The following CTSB variants were observed in gnomAD, a reference collection of about 807,000 sequenced individuals.
CTSB encodes the protein APP secretase.
Under a neutral mutation model 44.3 loss-of-function variants are expected in CTSB, and 57 were observed. The observed-to-expected ratio is 1.29, with a 90% confidence interval of 1.04 to 1.60. CTSB has a LOEUF of 1.60. Ranked by LOEUF, CTSB falls within the 40% of genes most tolerant of loss-of-function variation. CTSB has a pLI of 0.00. For synonymous variants in CTSB, 320 were observed against 168.0 expected, an observed-to-expected ratio of 1.91 and a Z score of -7.00; for missense variants, 768 against 443.0, an observed-to-expected ratio of 1.73 and a Z score of -6.59.
chr8:11,845,712 T>C lies in CTSB; in HGVS notation c.871A>G (p.Thr291Ala), dbSNP rs1813178241. 1 of 1,614,124 alleles carries C rather than the reference T, an allele frequency of 6.2e-7. No homozygotes were observed. Residue 291 changes from threonine to alanine, a missense_variant, in exon 9 of 10, where the codon ACA becomes GCA. By Grantham distance (58) the Thr-to-Ala change is moderately conservative. Transcript: ENST00000353047. ...GAGTTGGCAACCAGCCAGTAGGGTG[T>C]GCCATTCTCCACTCCCCAGCCCAGG... is the stretch of plus-strand genomic sequence containing the variant. ...RILGWGVENG[T>A]PYWLVANSWN...
At chr8:11,854,892 C>A (rs1404391782) in intron 1 of CTSB, 1 of 152,320 alleles carries the variant, frequency 6.6e-6, no homozygotes, top group Non-Finnish European at 1.5e-5. Context: ...GAAGCACATC[C>A]TCCGTGGAGG....
At chr8:11,863,037 GCA>G (rs1239217094) in intron 1 of CTSB, among the ~76,000 whole-genome samples, 3 of 152,200 alleles carry the variant, frequency 2.0e-5, no homozygotes, top group Non-Finnish European at 4.4e-5. Flanking sequence ...TCTGGGCTGA[GCA>G]CAGTGGCTCA....
At chr8:11,861,596 T>C (rs927576769) in intron 1 of CTSB, 2 of 152,244 alleles carry the variant, frequency 1.3e-5, no homozygotes, top group African/African-American at 4.8e-5. Context: ...TTATTTTTTG[T>C]TGTCGTTGTT....
chr8:11,850,149 G>C (rs116858126), intron 4 of CTSB: 40 of 152,232 alleles, frequency 2.6e-4, no homozygotes, highest in South Asian at 6.2e-4. Context: ...TGCTGGGCAC[G>C]GTGGCTCACG....
Position 11,859,767 on chromosome 8 carries a change from CAAAAAAA to C in CTSB, c.-25-6295_-25-6289del, listed in dbSNP as rs36047077. The stretch of plus-strand genomic sequence containing the variant: ...TGGGCAACAGAGCGAGACTCTGTCT[CAAAAAAA>C]AAAAAAAAAAAAAAAAAAGGCCGGA... On this transcript the variant is annotated intron_variant, in intron 1 of 9. Transcript: ENST00000353047. Among the ~76,000 whole-genome samples, 117 of 38,966 alleles carry C rather than the reference CAAAAAAA, an allele frequency of 3.0e-3. 1 individual carries two copies. The highest frequency in any genetic ancestry group is 0.014 in the African/African-American group (100 of 7,232). 25.6% of individuals were successfully genotyped at this position (38,966 alleles called of 152,430 possible).
intron 1 of CTSB, chr8:11,865,724 C>A (rs1343686616): frequency 6.6e-6 from 1 of 151,308 alleles, no homozygotes; most frequent in Admixed American, 6.6e-5. Flanking sequence ...AAGAAAATTA[C>A]CCCTCCACCG....
At position 11,845,175 on chromosome 8, in the gene CTSB, C is replaced by A; in HGVS notation, c.970G>T (p.Glu324Ter). The change falls in exon 10 of 10, where the codon GAA becomes TAA. Residue 324 changes from glutamate (E) to a stop codon, truncating the protein, a stop_gained. Transcript: ENST00000353047. LOFTEE classifies it high-confidence loss of function. ...GTGCGTGGAATTCCAGCCACCACTT[C>A]TGATTCGATTCCACAGTGATCCTGT... ...RGQDHCGIES[E>*]VVAGIPRTDQ... The A allele has an allele frequency of 6.2e-7, 1 of 1,614,118 alleles. No homozygotes were observed. The highest frequency in any genetic ancestry group is 1.3e-5 in the African/African-American group (1 of 75,060).
intron 1 of CTSB, among the ~76,000 whole-genome samples, chr8:11,861,968 G>C (rs1256790699): frequency 6.6e-6 from 1 of 152,156 alleles, no homozygotes; most frequent in African/African-American, 2.4e-5. Flanking sequence ...AGTACTTTGG[G>C]AGGCTGAGGT....
chr8:11,853,525 C>A, intron 1 of CTSB, 46 bp from the exon 2 acceptor site: 1 of 1,550,732 alleles, frequency 6.4e-7, no homozygotes, highest in Non-Finnish European at 8.7e-7. Context: ...TTATGTGGGT[C>A]GAGGGCTCAC....
At position 11,843,377 on chromosome 8, in the gene CTSB, G is replaced by A. The variant is rs1395980230; in HGVS notation, c.*1748C>T. The A allele has an allele frequency of 6.6e-6, 1 of 152,218 alleles. No individual in the cohort carries two copies. The highest frequency in any genetic ancestry group is 1.5e-5 in the Non-Finnish European group (1 of 68,042). The allele number at this position is 152,218 out of a possible 1,614,324, so 9.4% of individuals were successfully genotyped here. A position where few individuals can be genotyped will look rare whatever the true frequency, so the allele number is the denominator to read the frequency against. On this transcript the variant is annotated 3_prime_UTR_variant, in exon 10 of 10. Coordinates refer to ENST00000353047, the MANE Select transcript of CTSB (RefSeq NM_001908.5). Reference sequence around the variant, plus strand: ...GTCACATCAGAAGCCAAACTTGAATGCTTTTGGAAAGAGCTAGCCTCATAC... The same window carrying A: ...GTCACATCAGAAGCCAAACTTGAATACTTTTGGAAAGAGCTAGCCTCATAC...
At chr8:11,863,716 G>A (rs1020497840) in intron 1 of CTSB, among the ~76,000 whole-genome samples, 6 of 152,114 alleles carry the variant, frequency 3.9e-5, no homozygotes, top group African/African-American at 1.4e-4. Flanking sequence ...TTCTGGTCAT[G>A]AAATTAAAAC....
rs769178025 is a variant in CTSB, at chr8:11,860,604, A to G, written c.-25-7125T>C. 4.6e-5 allele frequency among the ~76,000 whole-genome samples: 7 copies of G among 152,186 alleles called. 1 individual carries two copies. The highest frequency in any genetic ancestry group is 6.6e-5 in the Admixed American group (1 of 15,262). On this transcript the variant is annotated intron_variant, in intron 1 of 9. Coordinates refer to ENST00000353047, the MANE Select transcript of CTSB (RefSeq NM_001908.5). ...GCACCATTGCACTCCACCTTGGGCA[A>G]CAAGAGGGAAACTCCGTCTCAAAAA...
chr8:11,845,743 G>A lies in CTSB; in HGVS notation c.840C>T (p.Ile280=), dbSNP rs370508969. Residue 280 remains isoleucine (I), a synonymous_variant, in exon 9 of 10, where the codon ATC becomes ATT. Transcript: ENST00000353047. The part of the protein sequence containing the change: ...VTGEMMGGHA[I]RILGWGVENG... ...TCTCCACTCCCCAGCCCAGGATGCG[G>A]ATGGCATGGCCACCCATCATCTCTC... 1.3e-5 allele frequency: 21 copies of A among 1,614,136 alleles called. No individual in the cohort carries two copies. The highest frequency in any genetic ancestry group is 4.4e-5 in the South Asian group (4 of 91,066).
intron 2 of CTSB, among the ~76,000 whole-genome samples, chr8:11,852,924 C>T (rs1315768149): frequency 6.6e-6 from 1 of 152,208 alleles, no homozygotes; most frequent in African/African-American, 2.4e-5. Context: ...CAGCCCTCAA[C>T]ATGGCTCACT....
rs369448047 is a variant in CTSB at position 11,852,607 on chromosome 8, C to G, written c.212+3G>C. On this transcript the variant is annotated splice_donor_region_variant and intron_variant, in intron 3 of 9. Transcript: ENST00000353047. ...ACAGCGGTGCAGAGGAGCAGGCACT[C>G]ACCTCTGGGGTGGCTTGGGCCCACC... The G allele has an allele frequency of 1.2e-6, 2 of 1,612,366 alleles. No individual in the cohort carries two copies. The highest frequency in any genetic ancestry group is 3.3e-5 in the Admixed American group (2 of 59,956).
chr8:11,865,578 A>C, intron 1 of CTSB: 1 of 146,374 alleles, frequency 6.8e-6, no homozygotes. Context: ...AGAGAGTCAG[A>C]CTCCACCTCA....
chr8:11,842,992 A>C lies in CTSB; in HGVS notation c.*2133T>G, dbSNP rs1487724010. 7 of 128,032 alleles carry C rather than the reference A, an allele frequency of 5.5e-5. No homozygotes were observed. The highest frequency in any genetic ancestry group is 1.1e-4 in the Non-Finnish European group (7 of 64,412). 7.9% of individuals were successfully genotyped at this position (128,032 alleles called of 1,614,324 possible). A position where few individuals can be genotyped will look rare whatever the true frequency, so the allele number is the denominator to read the frequency against. ...GAGACGGAGCCTTGCGCTGTCACCGAGGCTGGAGTGCACTGGCACTGTCTT... is the reference window on the plus strand; with the variant it reads ...GAGACGGAGCCTTGCGCTGTCACCGCGGCTGGAGTGCACTGGCACTGTCTT... On this transcript the variant is annotated 3_prime_UTR_variant, in exon 10 of 10. Transcript: ENST00000353047.
At chr8:11,846,634 T>TGAA (rs979761602) in intron 8 of CTSB, among the ~76,000 whole-genome samples, 1 of 151,984 alleles carries the variant, frequency 6.6e-6, no homozygotes, top group Non-Finnish European at 1.5e-5. Flanking sequence ...AAGAGAAAGA[T>TGAA]GAAGAAAATG....
chr8:11,852,609 C>T lies in CTSB; in HGVS notation c.212+1G>A, dbSNP rs1236044459. 2 of 1,612,682 alleles carry T rather than the reference C, an allele frequency of 1.2e-6. No individual in the cohort carries two copies. Among genetic ancestry groups the T allele is most frequent in the Non-Finnish European group, 1.7e-6 (2 of 1,179,194 alleles). On this transcript the variant is annotated splice_donor_variant, in intron 3 of 9. Coordinates refer to ENST00000353047, the MANE Select transcript of CTSB (RefSeq NM_001908.5). LOFTEE classifies it high-confidence loss of function. ...AGCGGTGCAGAGGAGCAGGCACTCA[C>T]CTCTGGGGTGGCTTGGGCCCACCCA...
Sources: allele counts gnomAD v4.1 joint callset (sites outside exome capture counted in the v4.1 genomes callset), GRCh38; gene constraint gnomAD v4.1.1; transcripts MANE v1.5; gene names NCBI Gene and HGNC (gene_info 2026-07-23, HGNC 2026-07-21).